Variants in TSC1 observed in about 807,000 individuals in gnomAD.
TSC1 encodes the protein hamartin.
In TSC1, 20 loss-of-function variants were observed where a neutral mutation model predicts 124.3. That is an observed-to-expected ratio of 0.16 (90% CI 0.11 to 0.23). TSC1 has a LOEUF of 0.23. TSC1 is among the 10% of genes least tolerant of loss of function. TSC1 has a pLI of 1.00. For missense variants in TSC1, 1,124 were observed against 1,448.5 expected, an observed-to-expected ratio of 0.78 and a Z score of 3.64; for synonymous variants, 493 against 539.1, an observed-to-expected ratio of 0.91 and a Z score of 1.19.
intron 22 of TSC1, 60 bp downstream of exon 22, chr9:132,897,124 G>A (rs1037291342): frequency 1.2e-6 from 2 of 1,611,034 alleles, no homozygotes; most frequent in African/African-American, 1.3e-5. Flanking sequence ...ACGTGACACA[G>A]TCCTTATGCT....
At chr9:132,929,529 T>C (rs905793486) in intron 2 of TSC1, among the ~76,000 whole-genome samples, 5 of 152,194 alleles carry the variant, frequency 3.3e-5, no homozygotes, top group African/African-American at 7.2e-5. Flanking sequence ...GAGGTATCCA[T>C]AGATGGGATC....
intron 4 of TSC1, 106 bp downstream of exon 4, chr9:132,927,095 C>T (rs1846907455): frequency 9.0e-7 from 1 of 1,107,510 alleles, no homozygotes; most frequent in Non-Finnish European, 1.3e-6. Flanking sequence ...CAGTGGCGCA[C>T]AGAAATCAAA....
chr9:132,931,247 T>G (rs1274481544), intron 2 of TSC1: 2 of 152,192 alleles, frequency 1.3e-5, no homozygotes, highest in Non-Finnish European at 2.9e-5. Context: ...TTGCCTTCTG[T>G]GTAGTCAGAA....
intron 15 of TSC1, 76 bp downstream of exon 15, chr9:132,905,505 G>A (rs1845598719): frequency 1.3e-6 from 2 of 1,598,526 alleles, no homozygotes; most frequent in African/African-American, 1.3e-5. Context: ...AATGATTCTT[G>A]TTCCTCTCTT....
rs947981799 is a variant in TSC1 at position 132,927,442 on chromosome 9, CCTT to C, written c.107-141_107-139del. On this transcript the variant is annotated intron_variant, in intron 3 of 22. Coordinates refer to ENST00000298552, the MANE Select transcript of TSC1 (RefSeq NM_000368.5). Reference sequence around the variant, plus strand: ...AGTTTTGTGCAGCATTACAGTTCTGCCTTCTTAATTTAATAATAAGATATTCCA... The same window carrying C: ...AGTTTTGTGCAGCATTACAGTTCTGCCTTAATTTAATAATAAGATATTCCA... 80 of 769,000 alleles carry C rather than the reference CCTT, an allele frequency of 1.0e-4. No individual in the cohort carries two copies. In the African/African-American group the frequency reaches 1.1e-3, roughly 11 times the overall value. The allele number at this position is 769,000 out of a possible 1,614,324, so 47.6% of individuals were successfully genotyped here.
rs1844979156 is a variant in TSC1, at chr9:132,895,423, C to CAAG, written c.*811_*812insCTT. 4.3e-6 allele frequency: 1 copy of CAAG among 233,480 alleles called. No individual in the cohort carries two copies. The highest frequency in any genetic ancestry group is 2.2e-5 in the African/African-American group (1 of 45,332). 14.5% of individuals were successfully genotyped at this position (233,480 alleles called of 1,614,324 possible). A position where few individuals can be genotyped will look rare whatever the true frequency, so the allele number is the denominator to read the frequency against. On this transcript the variant is annotated 3_prime_UTR_variant, in exon 23 of 23. Coordinates refer to ENST00000298552, the MANE Select transcript of TSC1 (RefSeq NM_000368.5). ...AACCTCTCCCAGTGACTGCTCCTTC[C>CAAG]CTCCTATGGAGAACAGGTTTTACCA...
chr9:132,894,722 C>G lies in TSC1; in HGVS notation c.*1513G>C, dbSNP rs996918543. Reference sequence around the variant, plus strand: ...AAAAAAAAAAAAAAAAAAAGACTTTCATTCTCTCTGCTCGAGGCCTCCGTG... The same window carrying G: ...AAAAAAAAAAAAAAAAAAAGACTTTGATTCTCTCTGCTCGAGGCCTCCGTG... On this transcript the variant is annotated 3_prime_UTR_variant, in exon 23 of 23. Coordinates refer to ENST00000298552, the MANE Select transcript of TSC1 (RefSeq NM_000368.5). 1 of 189,546 alleles carries G rather than the reference C, an allele frequency of 5.3e-6. No individual in the cohort carries two copies. The highest frequency in any genetic ancestry group is 2.4e-5 in the African/African-American group (1 of 40,970). The allele number at this position is 189,546 out of a possible 1,614,324, so 11.7% of individuals were successfully genotyped here.
At position 132,895,105 on chromosome 9, in the gene TSC1, A is replaced by G. The variant is rs952023511; in HGVS notation, c.*1130T>C. The G allele has an allele frequency of 2.7e-4, 62 of 233,136 alleles. No individual in the cohort carries two copies. The highest frequency in any genetic ancestry group is 1.3e-3 in the African/African-American group (57 of 45,412). 14.4% of individuals were successfully genotyped at this position (233,136 alleles called of 1,614,324 possible). A position where few individuals can be genotyped will look rare whatever the true frequency, so the allele number is the denominator to read the frequency against. ...GAGTGTGATGACATCAGCTCCCTGG[A>G]GAGTCAGCCCCTGAAAGTTGGAATT... On this transcript the variant is annotated 3_prime_UTR_variant, in exon 23 of 23. Transcript: ENST00000298552.
In TSC1 at chr9:132,925,602, T is replaced by A. The variant is rs755799702; in HGVS notation, c.348A>T (p.Leu116Phe). 2.5e-6 allele frequency: 4 copies of A among 1,614,200 alleles called. No individual in the cohort carries two copies. Among genetic ancestry groups the A allele is most frequent in the Non-Finnish European group, 3.4e-6 (4 of 1,180,036 alleles). ...KLSQAPLLPSLLKCLKMDTDV... is the reference protein window; with the variant it reads ...KLSQAPLLPSFLKCLKMDTDV... ...AACATCCTACCTTGAGACATTTTAG[T>A]AAAGAAGGCAAAAGAGGTGCTTGAG... The change falls in exon 5 of 23, where the codon TTA (leucine) becomes TTT (phenylalanine). Residue 116 changes from leucine to phenylalanine, a missense_variant. Physicochemically the swap from Leu to Phe is conservative, Grantham distance 22. Coordinates refer to ENST00000298552, the MANE Select transcript of TSC1 (RefSeq NM_000368.5).
intron 1 of TSC1, chr9:132,941,191 A>G (rs1160076578): frequency 6.6e-6 from 1 of 152,250 alleles, no homozygotes; most frequent in African/African-American, 2.4e-5. Flanking sequence ...CGTAAAAAGT[A>G]TTGTTATCTT....
In TSC1 at chr9:132,905,802, C is replaced by T. The variant is rs118203580; in HGVS notation, c.1776G>A (p.Thr592=). The T allele has an allele frequency of 1.2e-5, 19 of 1,614,076 alleles. No individual in the cohort carries two copies. The highest frequency in any genetic ancestry group is 1.6e-4 in the Middle Eastern group (1 of 6,084). The change falls in exon 15 of 23, where the codon ACG becomes ACA. Residue 592 remains threonine, a synonymous_variant. Transcript: ENST00000298552. ...TPSPCKIPPP[T]RVGFGSGQPP... is the part of the protein sequence containing the mutation. ...GCTGCCCGCTTCCAAAGCCCACTCT[C>T]GTCGGAGGTGGAATTTTACAAGGAC...
At chr9:132,908,568 G>A (rs1845784249) in intron 12 of TSC1, among the ~76,000 whole-genome samples, 1 of 151,288 alleles carries the variant, frequency 6.6e-6, no homozygotes, top group South Asian at 2.1e-4. Context: ...TTCTCCATCA[G>A]CTCCCCGATT....
intron 18 of TSC1, 158 bp from the exon 19 acceptor site, chr9:132,901,857 G>T (rs538620627): frequency 9.3e-6 from 6 of 642,920 alleles, no homozygotes; most frequent in Non-Finnish European, 1.6e-5. Context: ...TAAAAAGTAA[G>T]TTATGGTTGA....
chr9:132,941,808 T>C (rs1847750572), intron 1 of TSC1: 1 of 152,148 alleles, frequency 6.6e-6, no homozygotes, highest in South Asian at 2.1e-4. Flanking sequence ...ACTCAATCGA[T>C]TTAGTCAGAA....
intron 1 of TSC1, among the ~76,000 whole-genome samples, chr9:132,937,372 G>A (rs927933490): frequency 3.3e-5 from 5 of 152,250 alleles, no homozygotes; most frequent in African/African-American, 1.2e-4. Flanking sequence ...GAACCCAGGA[G>A]GTGGAGGTTG....
rs150221955 is a variant in TSC1, at chr9:132,925,896, C to T, written c.211-157G>A. On this transcript the variant is annotated intron_variant, in intron 4 of 22. Transcript: ENST00000298552. The stretch of plus-strand genomic sequence containing the variant: ...GTCAAATTCAAGATTTTAAAAACCA[C>T]GTTAGCAAACAAAACACTGCTGCAT... 12,572 of 968,930 alleles carry T rather than the reference C, an allele frequency of 0.013. 119 individuals are homozygous for T. Among genetic ancestry groups the T allele is most frequent in the Non-Finnish European group, 0.016 (10,677 of 651,218 alleles). The allele number at this position is 968,930 out of a possible 1,614,324, so 60.0% of individuals were successfully genotyped here.
In TSC1 at chr9:132,893,813, C is replaced by G. The variant is rs1331164296; in HGVS notation, c.*2422G>C. ...ATACCTTTGCCCAGGACTGAATTGC[C>G]TCTCGAGAGTAATACTGTCACCTTT... On this transcript the variant is annotated 3_prime_UTR_variant, in exon 23 of 23. Coordinates refer to ENST00000298552, the MANE Select transcript of TSC1 (RefSeq NM_000368.5). 4.3e-6 allele frequency: 1 copy of G among 233,190 alleles called. No homozygotes were observed. The highest frequency in any genetic ancestry group is 2.2e-5 in the African/African-American group (1 of 45,348). 14.4% of individuals were successfully genotyped at this position (233,190 alleles called of 1,614,324 possible). A position where few individuals can be genotyped will look rare whatever the true frequency, so the allele number is the denominator to read the frequency against.
Position 132,903,507 on chromosome 9 carries a change from A to G in TSC1, c.2208+144T>C. 8.9e-7 allele frequency: 1 copy of G among 1,119,966 alleles called. No individual in the cohort carries two copies. The highest frequency in any genetic ancestry group is 1.3e-6 in the Non-Finnish European group (1 of 753,220). 69.4% of individuals were successfully genotyped at this position (1,119,966 alleles called of 1,614,324 possible). On this transcript the variant is annotated intron_variant, in intron 17 of 22. Transcript: ENST00000298552. The surrounding 1 kb of genome is among the most constrained non-coding windows in gnomAD (Gnocchi z 5.9). The stretch of plus-strand genomic sequence containing the variant: ...AGGGAATTCCGAGGTGTCACCATTC[A>G]TGTCTTAATCTCAAGCGACCTGCCC...
chr9:132,896,597 G>A lies in TSC1; in HGVS notation c.3133C>T (p.Leu1045Phe), dbSNP rs747162992. The change falls in exon 23 of 23, where the codon CTT becomes TTT. Residue 1045 changes from leucine (L) to phenylalanine (F), a missense_variant. Leu to Phe is a conservative substitution (Grantham distance 22). Transcript: ENST00000298552. The surrounding 1 kb of genome is among the most constrained non-coding windows in gnomAD (Gnocchi z 4.5). ...GGGSSSSSSE[L>F]STPEKPPHQR... Reference sequence around the variant, plus strand: ...TGTGGGGGTTTCTCTGGGGTAGAAAGCTCGCTGCTGCTGCTGCTGCTGCCT... The same window carrying A: ...TGTGGGGGTTTCTCTGGGGTAGAAAACTCGCTGCTGCTGCTGCTGCTGCCT... 6.2e-7 allele frequency: 1 copy of A among 1,613,778 alleles called. No individual in the cohort carries two copies.
Sources: allele counts gnomAD v4.1 joint callset (sites outside exome capture counted in the v4.1 genomes callset), GRCh38; gene constraint gnomAD v4.1.1; non-coding constraint Gnocchi (gnomAD v3.1); transcripts MANE v1.5; gene names NCBI Gene and HGNC (gene_info 2026-07-23, HGNC 2026-07-21).